ARHGEF10: variants seen among roughly 807,000 people sequenced by gnomAD.
The protein encoded by ARHGEF10 is Rho guanine nucleotide exchange factor 10.
A neutral mutation model predicts 147.4 loss-of-function variants in ARHGEF10; 140 were observed. That is an observed-to-expected ratio of 0.95 (90% CI 0.83 to 1.09). The LOEUF (loss-of-function observed/expected upper bound fraction) is 1.09, where lower values mean the gene tolerates loss of function less well. ARHGEF10 is among the 50% of genes least tolerant of loss of function. ARHGEF10 has a pLI of 0.00. For synonymous variants in ARHGEF10, 902 were observed against 695.8 expected (o/e 1.30, Z -4.67); for missense variants, 2,222 against 1,752.7 (o/e 1.27, Z -4.78).
chr8:1,873,833 T>A (rs564651064), intron 7 of ARHGEF10, among the ~76,000 whole-genome samples: 5 of 151,920 alleles, frequency 3.3e-5, no homozygotes, highest in Non-Finnish European at 7.4e-5. Context: ...CCTTACTAGA[T>A]GTTACAGAGG....
chr8:1,866,056 C>A (rs541586032), intron 5 of ARHGEF10, among the ~76,000 whole-genome samples: 1 of 152,080 alleles, frequency 6.6e-6, no homozygotes, highest in Admixed American at 6.5e-5. Flanking sequence ...CCCATGTGAC[C>A]ACCCGCTGGG....
intron 12 of ARHGEF10, 77 bp from the exon 13 acceptor site, chr8:1,894,316 C>T: frequency 6.6e-7 from 1 of 1,521,342 alleles, no homozygotes; most frequent in Non-Finnish European, 9.1e-7. Flanking sequence ...CACCACTGCG[C>T]TGCACCCTGG....
At chr8:1,874,588 C>G (rs1003448277) in intron 7 of ARHGEF10, among the ~76,000 whole-genome samples, 2 of 152,184 alleles carry the variant, frequency 1.3e-5, no homozygotes, top group Non-Finnish European at 1.5e-5. Flanking sequence ...AGGGACAGTC[C>G]AGATACATAC....
At chr8:1,931,095 C>G (rs960432300) in intron 25 of ARHGEF10, among the ~76,000 whole-genome samples, 1 of 152,210 alleles carries the variant, frequency 6.6e-6, no homozygotes, top group East Asian at 1.9e-4. Context: ...TTGTCATAAC[C>G]TCTGCCAGCC....
At chr8:1,925,200 C>T in intron 21 of ARHGEF10, 83 bp from the exon 22 acceptor site, 5 of 1,573,048 alleles carry the variant, frequency 3.2e-6, no homozygotes, top group Non-Finnish European at 4.4e-6. Context: ...CAGAAACTTC[C>T]CCTGCTATGA....
chr8:1,854,161 G>A (rs1171480758), intron 2 of ARHGEF10, among the ~76,000 whole-genome samples: 1 of 152,210 alleles, frequency 6.6e-6, no homozygotes, highest in African/African-American at 2.4e-5. Context: ...ATCCCCCAGG[G>A]CCCAGGGCAG....
In ARHGEF10 at chr8:1,896,463, T is replaced by G; in HGVS notation, c.1557+14T>G. The stretch of plus-strand genomic sequence containing the variant: ...GAATTTTTAAAGGTAAGCGCTTTTT[T>G]TTTTCATTTGGGTTTTAACACCATC... On this transcript the variant is annotated intron_variant, in intron 14 of 28. Coordinates refer to ENST00000349830, the MANE Select transcript of ARHGEF10 (RefSeq NM_014629.4). 6.3e-7 allele frequency: 1 copy of G among 1,586,628 alleles called. No individual in the cohort carries two copies.
At position 1,859,795 on chromosome 8, in the gene ARHGEF10, G is replaced by A. The variant is rs1163010382; in HGVS notation, c.194-102G>A. 7 of 1,418,396 alleles carry A rather than the reference G, an allele frequency of 4.9e-6. No individual in the cohort carries two copies. In the Admixed American group the frequency reaches 5.1e-5, roughly 10 times the overall value. 87.9% of individuals were successfully genotyped at this position (1,418,396 alleles called of 1,614,324 possible). The stretch of plus-strand genomic sequence containing the variant: ...ACGTCTAGGGGTCCTGGCATGGGAT[G>A]ATGGTGGGAGCTCATACCTGCTTCC... On this transcript the variant is annotated intron_variant, in intron 3 of 28. Coordinates refer to ENST00000349830, the MANE Select transcript of ARHGEF10 (RefSeq NM_014629.4).
At position 1,894,710 on chromosome 8, in the gene ARHGEF10, T is replaced by C. The variant is rs567291100; in HGVS notation, c.1440+138T>C. ...GTTCTCTCTAAAGGCCAGGCTGAAGTTGCAATGCCCTGGCCAAGCGTGTGC... is the reference window on the plus strand; with the variant it reads ...GTTCTCTCTAAAGGCCAGGCTGAAGCTGCAATGCCCTGGCCAAGCGTGTGC... On this transcript the variant is annotated intron_variant, in intron 13 of 28. Transcript: ENST00000349830. 108 of 964,204 alleles carry C rather than the reference T, an allele frequency of 1.1e-4. No individual in the cohort carries two copies. In the African/African-American group the frequency reaches 1.6e-3, roughly 14 times the overall value. 59.7% of individuals were successfully genotyped at this position (964,204 alleles called of 1,614,324 possible).
chr8:1,857,932 T>A lies in ARHGEF10; in HGVS notation c.38-28T>A, dbSNP rs202242115. On this transcript the variant is annotated intron_variant, in intron 2 of 28. Transcript: ENST00000349830. ...TATCTATCTATCTATCTATCTCTCC[T>A]TGATGTGGTTTTGGTTTTTCTTTTT... 2.0e-4 allele frequency: 290 copies of A among 1,472,296 alleles called. No individual in the cohort carries two copies. The East Asian group carries it at 5.9e-3, about 30-fold the overall frequency. 91.2% of individuals were successfully genotyped at this position (1,472,296 alleles called of 1,614,324 possible). A position where few individuals can be genotyped will look rare whatever the true frequency, so the allele number is the denominator to read the frequency against.
intron 25 of ARHGEF10, among the ~76,000 whole-genome samples, chr8:1,933,383 A>G (rs2129236048): frequency 6.6e-6 from 1 of 152,202 alleles, no homozygotes; most frequent in Admixed American, 6.5e-5. Flanking sequence ...TTGACTGAAT[A>G]CCTGTGTGCT....
chr8:1,935,444 T>C (rs531171003), intron 26 of ARHGEF10, among the ~76,000 whole-genome samples: 3 of 152,286 alleles, frequency 2.0e-5, no homozygotes, highest in Admixed American at 2.0e-4. Context: ...TCCTCTGCTC[T>C]CTGTTCAGCC....
At chr8:1,839,203 TTTTGTGTGGGGACTGC>T (rs1803783126) in intron 1 of ARHGEF10, among the ~76,000 whole-genome samples, 2 of 135,998 alleles carry the variant, frequency 1.5e-5, no homozygotes, top group African/African-American at 3.0e-5. Context: ...GTGGGGACTG[TTTTGTGTGGGGACTGC>T]CTGGTGTGGA....
intron 1 of ARHGEF10, among the ~76,000 whole-genome samples, chr8:1,826,756 T>C (rs1802796037): frequency 1.3e-5 from 2 of 152,192 alleles, no homozygotes; most frequent in Admixed American, 1.3e-4. Flanking sequence ...CTGCACAGTG[T>C]GTGGCAGGAA....
chr8:1,923,418 G>C (rs776856919), intron 19 of ARHGEF10, 50 bp from the exon 20 acceptor site: 346 of 1,612,764 alleles, frequency 2.1e-4, no homozygotes, highest in Non-Finnish European at 2.8e-4. Flanking sequence ...CCTTGGGATG[G>C]CCCTAGTTTT....
intron 17 of ARHGEF10, among the ~76,000 whole-genome samples, chr8:1,909,084 C>T (rs1811146150): frequency 6.6e-6 from 1 of 152,184 alleles, no homozygotes; most frequent in Non-Finnish European, 1.5e-5. Flanking sequence ...GCGGCTCTTC[C>T]CTGCACTCTC....
chr8:1,900,916 T>G (rs117095926), intron 15 of ARHGEF10, among the ~76,000 whole-genome samples: 2,343 of 152,276 alleles, frequency 0.015, 25 homozygotes, highest in Middle Eastern at 0.034. Flanking sequence ...GAGAAAATGG[T>G]CTTTGCCTTG....
At chr8:1,882,842 G>A (rs13277724) in intron 10 of ARHGEF10, 93 bp downstream of exon 10, 10 of 978,876 alleles carry the variant, frequency 1.0e-5, no homozygotes, top group Admixed American at 2.0e-5. Context: ...GGGCGGCCGC[G>A]CAGGCTCCCA....
intron 13 of ARHGEF10, among the ~76,000 whole-genome samples, chr8:1,896,078 C>G (rs537299620): frequency 1.3e-5 from 2 of 152,198 alleles, no homozygotes; most frequent in South Asian, 4.1e-4. Context: ...TAACTGAAAC[C>G]CAAATTACCA....
Sources: allele counts gnomAD v4.1 joint callset (sites outside exome capture counted in the v4.1 genomes callset), GRCh38; gene constraint gnomAD v4.1.1; transcripts MANE v1.5; gene names NCBI Gene and HGNC (gene_info 2026-07-23, HGNC 2026-07-21).